The following CA12 variants were observed in gnomAD, a reference collection of about 807,000 sequenced individuals.
CA12 encodes carbonic anhydrase 12.
CA12 carries 36 observed loss-of-function variants against 46.8 expected under a neutral mutation model. The ratio of observed to expected loss-of-function variants is 0.77; its 90% CI spans 0.59 to 1.02. The LOEUF (loss-of-function observed/expected upper bound fraction) is 1.02. CA12 is among the 50% of genes least tolerant of loss of function. The probability of loss-of-function intolerance (pLI) is 0.00; values close to 1 mark genes in which losing one functional copy is unlikely to be tolerated. For synonymous variants in CA12, 202 were observed against 187.0 expected (o/e 1.08, Z -0.65); for missense variants, 436 against 451.4 (o/e 0.97, Z 0.31).
rs1431838179 is a variant in CA12 at position 63,355,598 on chromosome 15, C to T, written c.107-8889G>A. ...AGCTCGCTTTCTGCATGCGTGTACACCTGGCTCCTGCTGCAGAGCCTGGCA... is the reference window on the plus strand; with the variant it reads ...AGCTCGCTTTCTGCATGCGTGTACATCTGGCTCCTGCTGCAGAGCCTGGCA... On this transcript the variant is annotated intron_variant, in intron 2 of 10. Transcript: ENST00000178638. The surrounding 1 kb of genome is among the most constrained non-coding windows in gnomAD (Gnocchi z 4.1). Among the ~76,000 whole-genome samples the T allele has an allele frequency of 2.6e-5, 4 of 152,216 alleles. No individual in the cohort carries two copies. Among genetic ancestry groups the T allele is most frequent in the Admixed American group, 2.6e-4 (4 of 15,276 alleles).
At chr15:63,344,415 G>A (rs1016056703) in intron 4 of CA12, among the ~76,000 whole-genome samples, 1 of 152,242 alleles carries the variant, frequency 6.6e-6, no homozygotes, top group African/African-American at 2.4e-5. Context: ...AATGGATTGA[G>A]TCTCAGACAC....
intron 8 of CA12, among the ~76,000 whole-genome samples, chr15:63,337,411 G>A (rs1471879655): frequency 6.6e-6 from 1 of 152,164 alleles, no homozygotes; most frequent in African/African-American, 2.4e-5. Context: ...GGTGAGACGA[G>A]GAGAGCAGAT....
intron 2 of CA12, among the ~76,000 whole-genome samples, chr15:63,375,207 A>C (rs16946963): frequency 0.28 from 42,003 of 152,142 alleles, 6,881 homozygotes; most frequent in East Asian, 0.56. Flanking sequence ...CGGCAACAAG[A>C]AGTTAATTCT....
chr15:63,376,070 A>G (rs2039567251), intron 1 of CA12, among the ~76,000 whole-genome samples: 1 of 152,152 alleles, frequency 6.6e-6, no homozygotes, highest in Non-Finnish European at 1.5e-5. Context: ...TGGTCTCCCA[A>G]AGTGCTGGGA....
Position 63,338,904 on chromosome 15 carries a change from G to C in CA12, c.789C>G (p.Asp263Glu). ...TGATCATTTCTCTGGGGGAAGGGTC[G>C]TCCATGTGTGTGCAGTACAGGGCTG... ...LETALYCTHM[D>E]DPSPREMINN... The change falls in exon 8 of 11, where the codon GAC becomes GAG. Residue 263 changes from aspartate (D) to glutamate (E), a missense_variant. Asp to Glu is a conservative substitution (Grantham distance 45, BLOSUM62 2). Transcript: ENST00000178638. The C allele has an allele frequency of 6.2e-7, 1 of 1,614,152 alleles. No individual in the cohort carries two copies. The highest frequency in any genetic ancestry group is 8.5e-7 in the Non-Finnish European group (1 of 1,180,022).
At position 63,339,992 on chromosome 15, in the gene CA12, C is replaced by T. The variant is rs1389565302; in HGVS notation, c.747+296G>A. 1 of 424,036 alleles carries T rather than the reference C, an allele frequency of 2.4e-6. No homozygotes were observed. The highest frequency in any genetic ancestry group is 5.2e-5 in the East Asian group (1 of 19,270). The allele number at this position is 424,036 out of a possible 1,614,324, so 26.3% of individuals were successfully genotyped here. On this transcript the variant is annotated intron_variant, in intron 7 of 10. Transcript: ENST00000178638. The surrounding 1 kb of genome is among the most constrained non-coding windows in gnomAD (Gnocchi z 4.3). ...CTGCCCTGTAAAGGAACCAGGCTCT[C>T]TCCTGCCTGGGAAGTGAATACCACC...
At position 63,327,958 on chromosome 15, in the gene CA12, G is replaced by T; in HGVS notation, c.907+140C>A. ...TCATCTTTGAATCACAGAGCGACTTGAGGGTAAGACCCATAGCAAGGAGAG... is the reference window on the plus strand; with the variant it reads ...TCATCTTTGAATCACAGAGCGACTTTAGGGTAAGACCCATAGCAAGGAGAG... On this transcript the variant is annotated intron_variant, in intron 9 of 10. Coordinates refer to ENST00000178638, the MANE Select transcript of CA12 (RefSeq NM_001218.5). The surrounding 1 kb of genome is among the most constrained non-coding windows in gnomAD (Gnocchi z 4.5). 1 of 762,480 alleles carries T rather than the reference G, an allele frequency of 1.3e-6. No individual in the cohort carries two copies. Among genetic ancestry groups the T allele is most frequent in the South Asian group, 1.4e-5 (1 of 69,196 alleles). 47.2% of individuals were successfully genotyped at this position (762,480 alleles called of 1,614,324 possible).
At position 63,340,315 on chromosome 15, in the gene CA12, T is replaced by TA; in HGVS notation, c.719_720insT (p.Asn241LysfsTer42). 1 of 1,614,128 alleles carries TA rather than the reference T, an allele frequency of 6.2e-7. No individual in the cohort carries two copies. The highest frequency in any genetic ancestry group is 8.5e-7 in the Non-Finnish European group (1 of 1,180,014). On this transcript the variant is annotated frameshift_variant, in exon 7 of 11. Coordinates refer to ENST00000178638, the MANE Select transcript of CA12 (RefSeq NM_001218.5). LOFTEE classifies it high-confidence loss of function. The surrounding 1 kb of genome is among the most constrained non-coding windows in gnomAD (Gnocchi z 4.4). The stretch of plus-strand genomic sequence containing the variant: ...GCTCCTGGGAAATTTGCACGGGGTT[T>TA]CGGAAAACTGTCCAGAGCACAGTGG...
rs758589370 is a variant in CA12, at chr15:63,328,993, G to A, written c.875-863C>T. The stretch of plus-strand genomic sequence containing the variant: ...GGGGATTACAGGTGTGAGCCACGGC[G>A]CCCAGCCAAGATTTCAGTTTTTAAT... On this transcript the variant is annotated intron_variant, in intron 8 of 10. Transcript: ENST00000178638. The surrounding 1 kb of genome is among the most constrained non-coding windows in gnomAD (Gnocchi z 5.9). 9.2e-5 allele frequency among the ~76,000 whole-genome samples: 14 copies of A among 152,196 alleles called. No individual in the cohort carries two copies. The highest frequency in any genetic ancestry group is 1.5e-4 in the Non-Finnish European group (10 of 68,032).
At chr15:63,368,187 T>C (rs559630661) in intron 2 of CA12, among the ~76,000 whole-genome samples, 2 of 152,360 alleles carry the variant, frequency 1.3e-5, no homozygotes, top group Non-Finnish European at 2.9e-5. Flanking sequence ...TAACAAGATA[T>C]ATCCCAATTT....
Position 63,340,197 on chromosome 15 carries a change from A to T in CA12, c.747+91T>A, listed in dbSNP as rs2039058315. The T allele has an allele frequency of 1.4e-6, 2 of 1,435,110 alleles. No homozygotes were observed. The highest frequency in any genetic ancestry group is 1.8e-5 in the Admixed American group (1 of 56,632). 88.9% of individuals were successfully genotyped at this position (1,435,110 alleles called of 1,614,324 possible). A position where few individuals can be genotyped will look rare whatever the true frequency, so the allele number is the denominator to read the frequency against. On this transcript the variant is annotated intron_variant, in intron 7 of 10. Coordinates refer to ENST00000178638, the MANE Select transcript of CA12 (RefSeq NM_001218.5). This position sits in a 1 kb window ranked among gnomAD's most constrained non-coding sequence, Gnocchi z 4.4. ...TTTTGAAGAGCTGCCAATGAAACTA[A>T]ATGAGGAAATCAAGTCATTGATTGT... is the stretch of plus-strand genomic sequence containing the variant.
rs762523106 is a variant in CA12, at chr15:63,340,058, C to CT, written c.747+229dup. ...TATTAGCAAATGCAGATTTAGAGCT[C>CT]TTTTTTTTAAAAAAGAACTAGGAGA... On this transcript the variant is annotated intron_variant, in intron 7 of 10. Transcript: ENST00000178638. This position sits in a 1 kb window ranked among gnomAD's most constrained non-coding sequence, Gnocchi z 4.4. 84 of 575,422 alleles carry CT rather than the reference C, an allele frequency of 1.5e-4. No homozygotes were observed. The highest frequency in any genetic ancestry group is 1.4e-3 in the East Asian group (45 of 32,500). The allele number at this position is 575,422 out of a possible 1,614,324, so 35.6% of individuals were successfully genotyped here.
At chr15:63,353,182 T>C (rs893466925) in intron 2 of CA12, among the ~76,000 whole-genome samples, 2 of 152,086 alleles carry the variant, frequency 1.3e-5, no homozygotes, top group African/African-American at 4.8e-5. Context: ...CAATGAGCGC[T>C]GCAAAGGAAT....
chr15:63,368,348 C>CA (rs1464186800), intron 2 of CA12, among the ~76,000 whole-genome samples: 3 of 152,174 alleles, frequency 2.0e-5, no homozygotes, highest in Non-Finnish European at 4.4e-5. Context: ...GTGGTGCCTG[C>CA]ACCCTTCGCC....
At chr15:63,332,035 G>C (rs1481383523) in intron 8 of CA12, among the ~76,000 whole-genome samples, 1 of 152,140 alleles carries the variant, frequency 6.6e-6, no homozygotes, top group Non-Finnish European at 1.5e-5. Context: ...GGCATGTTAC[G>C]TAGCGATATC....
rs927422612 is a variant in CA12 at position 63,374,566 on chromosome 15, A to G, written c.106+1092T>C. Among the ~76,000 whole-genome samples, 12 of 152,206 alleles carry G rather than the reference A, an allele frequency of 7.9e-5. No homozygotes were observed. The highest frequency in any genetic ancestry group is 6.5e-4 in the Admixed American group (10 of 15,278). On this transcript the variant is annotated intron_variant, in intron 2 of 10. Coordinates refer to ENST00000178638, the MANE Select transcript of CA12 (RefSeq NM_001218.5). This position sits in a 1 kb window ranked among gnomAD's most constrained non-coding sequence, Gnocchi z 4.4. ...AATGTGCTGTGCACATAATCAGTAC[A>G]TAAGGGATGTTAGCAATAACGGAGC...
At position 63,341,992 on chromosome 15, in the gene CA12, T is replaced by C; in HGVS notation, c.525+10A>G. 6.3e-7 allele frequency: 1 copy of C among 1,596,868 alleles called. No individual in the cohort carries two copies. Among genetic ancestry groups the C allele is most frequent in the Non-Finnish European group, 8.6e-7 (1 of 1,164,436 alleles). The stretch of plus-strand genomic sequence containing the variant: ...AAATTTCACCTAAGAACCTTTTAAA[T>C]ATCTCTTACCTCAATGAGAACAGCC... On this transcript the variant is annotated intron_variant, in intron 5 of 10. Coordinates refer to ENST00000178638, the MANE Select transcript of CA12 (RefSeq NM_001218.5). The surrounding 1 kb of genome is among the most constrained non-coding windows in gnomAD (Gnocchi z 5.2).
Position 63,328,247 on chromosome 15 carries a change from G to T in CA12, c.875-117C>A. 3 of 903,544 alleles carry T rather than the reference G, an allele frequency of 3.3e-6. No homozygotes were observed. The highest frequency in any genetic ancestry group is 5.4e-6 in the Non-Finnish European group (3 of 550,604). The allele number at this position is 903,544 out of a possible 1,614,324, so 56.0% of individuals were successfully genotyped here. A position where few individuals can be genotyped will look rare whatever the true frequency, so the allele number is the denominator to read the frequency against. On this transcript the variant is annotated intron_variant, in intron 8 of 10. Transcript: ENST00000178638. The surrounding 1 kb of genome is among the most constrained non-coding windows in gnomAD (Gnocchi z 5.9). ...GGTCTTAGGCTGACAGACCTCTAGGGATGTCCACCCTTGGCTCAGGGATTG... is the reference window on the plus strand; with the variant it reads ...GGTCTTAGGCTGACAGACCTCTAGGTATGTCCACCCTTGGCTCAGGGATTG...
At chr15:63,343,063 C>A (rs1372797438) in intron 4 of CA12, among the ~76,000 whole-genome samples, 1 of 152,104 alleles carries the variant, frequency 6.6e-6, no homozygotes, top group African/African-American at 2.4e-5. Context: ...ACTTAGTCTG[C>A]CACACTGCCC....
Sources: allele counts gnomAD v4.1 joint callset (sites outside exome capture counted in the v4.1 genomes callset), GRCh38; gene constraint gnomAD v4.1.1; non-coding constraint Gnocchi (gnomAD v3.1); transcripts MANE v1.5; gene names NCBI Gene and HGNC (gene_info 2026-07-23, HGNC 2026-07-21).